MNX1: variants seen among roughly 807,000 people sequenced by gnomAD.
The protein encoded by MNX1 is motor neuron and pancreas homeobox protein 1.
A neutral mutation model predicts 17.3 loss-of-function variants in MNX1; 2 were observed. The ratio of observed to expected loss-of-function variants is 0.12; its 90% CI spans 0.05 to 0.36. The LOEUF (loss-of-function observed/expected upper bound fraction) is 0.36. Among genes scored for constraint, MNX1 ranks in the 10% least tolerant of loss-of-function variants. MNX1 has a pLI of 1.00. For synonymous variants in MNX1, 306 were observed against 283.1 expected (o/e 1.08, Z -0.81); for missense variants, 556 against 564.7 (o/e 0.98, Z 0.16).
chr7:157,010,581 G>A lies in MNX1; in HGVS notation c.-231C>T, dbSNP rs978465702. On this transcript the variant is annotated 5_prime_UTR_variant, in exon 1 of 3. Transcript: ENST00000252971. ...CGCTCGCACAAACTCCCACGCGAGTGCTTCCCCGCGTCCGGGCCCGGGAGC... is the reference window on the plus strand; with the variant it reads ...CGCTCGCACAAACTCCCACGCGAGTACTTCCCCGCGTCCGGGCCCGGGAGC... 1 of 326,248 alleles carries A rather than the reference G, an allele frequency of 3.1e-6. No homozygotes were observed. The allele number at this position is 326,248 out of a possible 1,614,324, so 20.2% of individuals were successfully genotyped here. A position where few individuals can be genotyped will look rare whatever the true frequency, so the allele number is the denominator to read the frequency against.
chr7:157,009,757 G>T lies in MNX1; in HGVS notation c.594C>A (p.Ala198=). The change falls in exon 1 of 3, where the codon GCC becomes GCA. Residue 198 remains alanine, a synonymous_variant. Transcript: ENST00000252971. Reference sequence around the variant, plus strand: ...TGCCGGCGCCCAGCTTGATGGGGTCGGCGGGGTGCGCGGGGTGCGCGCCTT... The same window carrying T: ...TGCCGGCGCCCAGCTTGATGGGGTCTGCGGGGTGCGCGGGGTGCGCGCCTT... ...QVQGAHPAHP[A]DPIKLGAGTF... is the part of the protein sequence containing the mutation. 1.2e-6 allele frequency: 2 copies of T among 1,604,270 alleles called. No homozygotes were observed. The highest frequency in any genetic ancestry group is 1.7e-6 in the Non-Finnish European group (2 of 1,177,848).
At position 157,005,524 on chromosome 7, in the gene MNX1, T is replaced by G. The variant is rs1586591882; in HGVS notation, c.1202A>C (p.Gln401Pro). 2 of 1,502,586 alleles carry G rather than the reference T, an allele frequency of 1.3e-6. No homozygotes were observed. Among genetic ancestry groups the G allele is most frequent in the Non-Finnish European group, 1.8e-6 (2 of 1,130,906 alleles). 93.1% of individuals were successfully genotyped at this position (1,502,586 alleles called of 1,614,324 possible). A position where few individuals can be genotyped will look rare whatever the true frequency, so the allele number is the denominator to read the frequency against. Reference sequence around the variant, plus strand: ...ACCTGCTGGGCCGCGGGGCTCCTACTGGGGCGCGGGCTGGTGGCTGGGCCG... The same window carrying G: ...ACCTGCTGGGCCGCGGGGCTCCTACGGGGGCGCGGGCTGGTGGCTGGGCCG... ...PPRPSHQPAP[Q>P] Residue 401 changes from glutamine to proline, a missense_variant, in exon 3 of 3, where the codon CAG becomes CCG. Gln to Pro is a moderately conservative substitution (Grantham distance 76). This residue lies in a region of MNX1 where 178 missense variants were observed against 155.2 expected (regional missense o/e 1.15). Transcript: ENST00000252971.
chr7:157,010,261 C>G lies in MNX1; in HGVS notation c.90G>C (p.Leu30Phe). The G allele has an allele frequency of 5.4e-6, 8 of 1,472,916 alleles. No homozygotes were observed. Among genetic ancestry groups the G allele is most frequent in the South Asian group, 1.3e-5 (1 of 74,244 alleles). 91.2% of individuals were successfully genotyped at this position (1,472,916 alleles called of 1,614,324 possible). Reference sequence around the variant, plus strand: ...ATGCGGCGGCGGCGAGCGACGTGACCAAGGCCAGCGGCGCGCTCTGCGCAG... The same window carrying G: ...ATGCGGCGGCGGCGAGCGACGTGACGAAGGCCAGCGGCGCGCTCTGCGCAG... ...AASAQSAPLA[L>F]VTSLAAAASG... Residue 30 changes from leucine (L) to phenylalanine (F), a missense_variant, in exon 1 of 3, where the codon TTG becomes TTC. Coordinates refer to ENST00000252971, the MANE Select transcript of MNX1 (RefSeq NM_005515.4).
chr7:157,009,493 C>T (rs1429181037), intron 1 of MNX1, 167 bp downstream of exon 1: 4 of 1,439,978 alleles, frequency 2.8e-6, no homozygotes, highest in African/African-American at 2.9e-5. Context: ...CCGTCTCATG[C>T]CTGGGGGTCC....
At position 157,009,963 on chromosome 7, in the gene MNX1, C is replaced by T. The variant is rs1460977572; in HGVS notation, c.388G>A (p.Ala130Thr). 2.8e-5 allele frequency: 27 copies of T among 980,486 alleles called. No homozygotes were observed. The highest frequency in any genetic ancestry group is 3.3e-5 in the Non-Finnish European group (27 of 830,008). 60.7% of individuals were successfully genotyped at this position (980,486 alleles called of 1,614,324 possible). A position where few individuals can be genotyped will look rare whatever the true frequency, so the allele number is the denominator to read the frequency against. The change falls in exon 1 of 3, where the codon GCC (alanine) becomes ACC (threonine). Residue 130 changes from alanine to threonine, a missense_variant. Physicochemically the swap from Ala to Thr is moderately conservative, Grantham distance 58. Around this residue, in one of 7 missense-constraint regions of MNX1, gnomAD observed 4 missense variants for 16.8 expected, o/e 0.24. Coordinates refer to ENST00000252971, the MANE Select transcript of MNX1 (RefSeq NM_005515.4). ...GAAAAAAAAA[A>T]AAAAGGLALG... ...GCCAGGCCCCCAGCGGCGGCGGCGG[C>T]GGCGGCGGCGGCGGCAGCGGCCGCT...
In MNX1 at chr7:157,010,652, TGCC is replaced by T. The variant is rs1054228734; in HGVS notation, c.-305_-303del. The T allele has an allele frequency of 3.0e-4, 66 of 221,004 alleles. No individual in the cohort carries two copies. The highest frequency in any genetic ancestry group is 4.7e-4 in the Non-Finnish European group (52 of 110,800). The allele number at this position is 221,004 out of a possible 1,614,324, so 13.7% of individuals were successfully genotyped here. On this transcript the variant is annotated 5_prime_UTR_variant, in exon 1 of 3. Transcript: ENST00000252971. ...CCTCAGGCGACCGCGCGGAGGCCGC[TGCC>T]GCCGTGGTGGGGACCCGCGCCCCTC...
chr7:157,005,461 G>T lies in MNX1; in HGVS notation c.*59C>A. On this transcript the variant is annotated 3_prime_UTR_variant, in exon 3 of 3. Coordinates refer to ENST00000252971, the MANE Select transcript of MNX1 (RefSeq NM_005515.4). ...GGTGGGTGCGGGCGCCGGGGCCTCC[G>T]GGAGAAGCCGCCGGCCGGGGCGCTC... is the stretch of plus-strand genomic sequence containing the variant. The T allele has an allele frequency of 8.4e-7, 1 of 1,193,730 alleles. No individual in the cohort carries two copies. Among genetic ancestry groups the T allele is most frequent in the Non-Finnish European group, 1.0e-6 (1 of 957,742 alleles). 73.9% of individuals were successfully genotyped at this position (1,193,730 alleles called of 1,614,324 possible).
intron 1 of MNX1, chr7:157,008,801 GGAGAGCCAGAGCCCCA>G (rs1259102084): frequency 8.9e-5 from 54 of 606,810 alleles, no homozygotes; most frequent in African/African-American, 8.1e-4. Context: ...GGGCGAGCGG[GGAGAGCCAGAGCCCCA>G]GAGAGCCAGA....
In MNX1 at chr7:157,006,375, G is replaced by C; in HGVS notation, c.852+104C>G. The C allele has an allele frequency of 7.6e-7, 1 of 1,318,842 alleles. No individual in the cohort carries two copies. The highest frequency in any genetic ancestry group is 2.3e-5 in the Admixed American group (1 of 42,838). The allele number at this position is 1,318,842 out of a possible 1,614,324, so 81.7% of individuals were successfully genotyped here. On this transcript the variant is annotated intron_variant, in intron 2 of 2. Transcript: ENST00000252971. The surrounding 1 kb of genome is among the most constrained non-coding windows in gnomAD (Gnocchi z 6.3). ...CCGTGCGCCCGCCGTCTGAACCGTC[G>C]AGGCGCAGCGCTAGATGCCTCAGAC...
In MNX1 at chr7:157,010,034, G is replaced by C; in HGVS notation, c.317C>G (p.Thr106Arg). The C allele has an allele frequency of 2.0e-6, 2 of 987,278 alleles. No homozygotes were observed. Among genetic ancestry groups the C allele is most frequent in the Non-Finnish European group, 1.2e-6 (1 of 838,138 alleles). The allele number at this position is 987,278 out of a possible 1,614,324, so 61.2% of individuals were successfully genotyped here. A position where few individuals can be genotyped will look rare whatever the true frequency, so the allele number is the denominator to read the frequency against. Residue 106 changes from threonine (T) to arginine (R), a missense_variant, in exon 1 of 3, where the codon ACG becomes AGG. Physicochemically the swap from Thr to Arg is moderately conservative, Grantham distance 71. Coordinates refer to ENST00000252971, the MANE Select transcript of MNX1 (RefSeq NM_005515.4). ...FLGAGGGGGGTGGGHGGPHHH... is the reference protein window; with the variant it reads ...FLGAGGGGGGRGGGHGGPHHH... ...GTGGGGCCCCCCGTGCCCGCCGCCC[G>C]TGCCGCCGCCGCCGCCGCCCGCGCC...
At chr7:157,008,878 G>A in intron 1 of MNX1, 6 of 1,029,642 alleles carry the variant, frequency 5.8e-6, no homozygotes, top group Non-Finnish European at 7.1e-6. Flanking sequence ...AAGCCTGAGG[G>A]GCCCAGGCCT....
intron 1 of MNX1, chr7:157,008,671 A>G (rs1805647753): frequency 2.5e-6 from 1 of 398,406 alleles, no homozygotes; most frequent in African/African-American, 2.0e-5. Context: ...GCATCTCCCC[A>G]GTCTAAACAA....
Position 157,009,833 on chromosome 7 carries a change from G to A in MNX1, c.518C>T (p.Ala173Val), listed in dbSNP as rs1340278462. The A allele has an allele frequency of 1.4e-6, 2 of 1,467,398 alleles. No individual in the cohort carries two copies. The highest frequency in any genetic ancestry group is 2.3e-5 in the Admixed American group (1 of 44,110). The allele number at this position is 1,467,398 out of a possible 1,614,324, so 90.9% of individuals were successfully genotyped here. The change falls in exon 1 of 3, where the codon GCT becomes GTT. Residue 173 changes from alanine to valine, a missense_variant. Ala to Val is a moderately conservative substitution (Grantham distance 64). This residue lies in a region of MNX1 where 210 missense variants were observed against 211.3 expected (regional missense o/e 0.99). Coordinates refer to ENST00000252971, the MANE Select transcript of MNX1 (RefSeq NM_005515.4). Reference protein sequence around the residue: ...VYGYSAAAAAAALAGQHPALS... With the variant: ...VYGYSAAAAAVALAGQHPALS... ...CGCCGGGTGCTGGCCCGCCAGCGCA[G>A]CCGCCGCCGCCGCCGCGGAGTAGCC...
chr7:157,009,002 T>A, intron 1 of MNX1: 2 of 1,537,134 alleles, frequency 1.3e-6, no homozygotes, highest in Non-Finnish European at 1.7e-6. Context: ...CGTTACCTTG[T>A]TGGGCGCCCA....
rs1386113811 is a variant in MNX1, at chr7:157,010,003, G to A, written c.348C>T (p.His116=). ...CAGCGGCCGCTGCGCCCGGATGCGCGTGGTGGTGGGGCCCCCCGTGCCCGC... is the reference window on the plus strand; with the variant it reads ...CAGCGGCCGCTGCGCCCGGATGCGCATGGTGGTGGGGCCCCCCGTGCCCGC... ...TGGGHGGPHH[H]AHPGAAAAAA... The change falls in exon 1 of 3, where the codon CAC becomes CAT. Residue 116 remains histidine, a synonymous_variant. Transcript: ENST00000252971. The A allele has an allele frequency of 4.5e-5, 44 of 978,208 alleles. No homozygotes were observed. Among genetic ancestry groups the A allele is most frequent in the Non-Finnish European group, 5.2e-5 (43 of 830,622 alleles). 60.6% of individuals were successfully genotyped at this position (978,208 alleles called of 1,614,324 possible).
At chr7:157,008,348 G>C (rs1416546287) in intron 1 of MNX1, 1 of 152,330 alleles carries the variant, frequency 6.6e-6, no homozygotes, top group Non-Finnish European at 1.5e-5. Context: ...GCCCAGGCTG[G>C]CAGGGGATTC....
rs995248282 is a variant in MNX1, at chr7:157,005,806, G to A, written c.920C>T (p.Ala307Val). Reference sequence around the variant, plus strand: ...GCCCTTCTGTTTCTCCGCTTCCTGCGCCGCCTGCTCTTTGGCCTTTTTGCT... The same window carrying A: ...GCCCTTCTGTTTCTCCGCTTCCTGCACCGCCTGCTCTTTGGCCTTTTTGCT... The part of the protein sequence containing the change: ...KRSKKAKEQA[A>V]QEAEKQKGGG... The change falls in exon 3 of 3, where the codon GCG becomes GTG. Residue 307 changes from alanine (A) to valine (V), a missense_variant. Physicochemically the swap from Ala to Val is moderately conservative, Grantham distance 64 (BLOSUM62 0). This residue lies in a region of MNX1 where 178 missense variants were observed against 155.2 expected (regional missense o/e 1.15). Coordinates refer to ENST00000252971, the MANE Select transcript of MNX1 (RefSeq NM_005515.4). The A allele has an allele frequency of 1.2e-6, 2 of 1,611,788 alleles. No individual in the cohort carries two copies. The highest frequency in any genetic ancestry group is 2.2e-5 in the East Asian group (1 of 44,816).
intron 1 of MNX1, chr7:157,007,861 G>C (rs1453934632): frequency 1.3e-5 from 2 of 152,228 alleles, no homozygotes; most frequent in African/African-American, 2.4e-5. Flanking sequence ...TTCCCAACTT[G>C]ACAATACATT....
At chr7:157,008,822 G>C (rs1193417691) in intron 1 of MNX1, 4 of 646,112 alleles carry the variant, frequency 6.2e-6, no homozygotes, top group Admixed American at 2.9e-5. Flanking sequence ...GCCCCAGAGA[G>C]CCAGAGCCCC....
Sources: gnomAD v4.1 joint callset for allele counts on GRCh38, gnomAD v4.1.1 for gene constraint, gnomAD v4.1.1 regional missense constraint, Gnocchi (gnomAD v3.1) non-coding constraint, MANE v1.5 for transcripts, NCBI Gene and HGNC (gene_info 2026-07-23, HGNC 2026-07-21) for gene names.